Variants in PTBP2 observed in about 807,000 individuals in gnomAD.
The protein encoded by PTBP2 is polypyrimidine tract binding protein 2, also known as polypyrimidine tract-binding protein 2.
In PTBP2, 13 loss-of-function variants were observed where a neutral mutation model predicts 61.4. That is an observed-to-expected ratio of 0.21 (90% confidence interval 0.14 to 0.34). The LOEUF is 0.34. PTBP2 is among the 10% of genes least tolerant of loss of function. PTBP2 has a pLI of 1.00. For synonymous variants in PTBP2, 215 were observed against 218.5 expected (o/e 0.98, Z 0.14); for missense variants, 405 against 642.6 (o/e 0.63, Z 4.00).
chr1:96,773,673 C>T (rs562976569), intron 5 of PTBP2, among the ~76,000 whole-genome samples: 1 of 152,182 alleles, frequency 6.6e-6, no homozygotes, highest in African/African-American at 2.4e-5. Flanking sequence ...CAACAAAACT[C>T]CCTTTAGAAT....
At chr1:96,742,841 C>A (rs1192697832) in intron 2 of PTBP2, among the ~76,000 whole-genome samples, 3 of 152,128 alleles carry the variant, frequency 2.0e-5, no homozygotes, top group African/African-American at 7.2e-5. Context: ...GTGTGTCTCT[C>A]TATTAAATGT....
intron 8 of PTBP2, among the ~76,000 whole-genome samples, chr1:96,792,425 A>G (rs940720092): frequency 1.3e-5 from 2 of 152,188 alleles, no homozygotes; most frequent in African/African-American, 4.8e-5. Context: ...GAGCCCTAGC[A>G]CTGAAAGCCA....
At chr1:96,788,532 A>G (rs1265409280) in intron 8 of PTBP2, among the ~76,000 whole-genome samples, 9 of 152,076 alleles carry the variant, frequency 5.9e-5, no homozygotes. Flanking sequence ...CTAATTATTT[A>G]ATCAGATGAC....
At chr1:96,776,071 A>G (rs1342256533) in intron 5 of PTBP2, among the ~76,000 whole-genome samples, 5 of 151,956 alleles carry the variant, frequency 3.3e-5, no homozygotes, top group African/African-American at 9.7e-5. Flanking sequence ...GTTGCAGGGG[A>G]ATTTTTAATC....
chr1:96,819,931 A>G (rs1398076497), downstream of PTBP2: 3 of 151,908 alleles, frequency 2.0e-5, no homozygotes, highest in South Asian at 2.1e-4. Context: ...TCATATAGTC[A>G]TGATTCTTAG....
downstream of PTBP2, chr1:96,818,835 C>T (rs1214091526): frequency 6.6e-6 from 1 of 151,954 alleles, no homozygotes; most frequent in Non-Finnish European, 1.5e-5. Flanking sequence ...TAAAGATAAA[C>T]AGTTCTAGAG....
chr1:96,730,006 C>T (rs571174469), intron 2 of PTBP2, among the ~76,000 whole-genome samples: 5 of 152,228 alleles, frequency 3.3e-5, no homozygotes, highest in Non-Finnish European at 5.9e-5. Flanking sequence ...GGATTACAGG[C>T]GTGAGCCACT....
rs989047792 is a variant in PTBP2, at chr1:96,760,440, C to CTTT, written c.115+8962_115+8964dup. Among the ~76,000 whole-genome samples the CTTT allele has an allele frequency of 7.2e-3, 601 of 83,076 alleles. 14 individuals are homozygous for CTTT. The highest frequency in any genetic ancestry group is 0.018 in the African/African-American group (328 of 18,418). The allele number at this position is 83,076 out of a possible 152,430, so 54.5% of individuals were successfully genotyped here. A position where few individuals can be genotyped will look rare whatever the true frequency, so the allele number is the denominator to read the frequency against. On this transcript the variant is annotated intron_variant, in intron 3 of 13. Coordinates refer to ENST00000674951, the MANE Select transcript of PTBP2 (RefSeq NM_021190.4). ...ATAACATAGTTGGGAAAATAGTTTGCTTTTTTTTTTTTTTTTTTTTTTTTG... is the reference window on the plus strand; with the variant it reads ...ATAACATAGTTGGGAAAATAGTTTGCTTTTTTTTTTTTTTTTTTTTTTTTTTTG...
chr1:96,813,196 G>A lies in PTBP2; in HGVS notation c.1467-80G>A, dbSNP rs1011625787. The A allele has an allele frequency of 1.6e-5, 24 of 1,542,892 alleles. No homozygotes were observed. The Admixed American group carries it at 2.9e-4, about 19-fold the overall frequency. On this transcript the variant is annotated intron_variant, in intron 13 of 13. Transcript: ENST00000674951. The stretch of plus-strand genomic sequence containing the variant: ...TTCGTTTATAGAAATTTTTGATTCC[G>A]GAATGGCCAAAATTCAAGTATTTAA...
At position 96,814,381 on chromosome 1, in the gene PTBP2, C is replaced by T. The variant is rs1299499645; in HGVS notation, c.*976C>T. The T allele has an allele frequency of 3.9e-5, 6 of 152,440 alleles. No homozygotes were observed. The highest frequency in any genetic ancestry group is 3.3e-4 in the Admixed American group (5 of 15,266). 9.4% of individuals were successfully genotyped at this position (152,440 alleles called of 1,614,324 possible). A position where few individuals can be genotyped will look rare whatever the true frequency, so the allele number is the denominator to read the frequency against. On this transcript the variant is annotated 3_prime_UTR_variant, in exon 14 of 14. Coordinates refer to ENST00000674951, the MANE Select transcript of PTBP2 (RefSeq NM_021190.4). Reference sequence around the variant, plus strand: ...TTTCAAAGATAAAGAAAGTGTACTGCGAAAATATGCAGGAAGATTAATTTT... The same window carrying T: ...TTTCAAAGATAAAGAAAGTGTACTGTGAAAATATGCAGGAAGATTAATTTT...
At chr1:96,751,249 G>T in intron 2 of PTBP2, 176 bp from the exon 3 acceptor site, 1 of 683,210 alleles carries the variant, frequency 1.5e-6, no homozygotes, top group Non-Finnish European at 2.7e-6. Context: ...TTGCCTTTGT[G>T]AGAATGGGAG....
chr1:96,812,483 A>T lies in PTBP2; in HGVS notation c.1172-229A>T, dbSNP rs535530404. ...AGCAGGATTGTTGAGGAAGATAGAT[A>T]TTCATAATCTGGATTTTCATTCTAT... On this transcript the variant is annotated intron_variant, in intron 11 of 13. Coordinates refer to ENST00000674951, the MANE Select transcript of PTBP2 (RefSeq NM_021190.4). Among the ~76,000 whole-genome samples the T allele has an allele frequency of 4.6e-5, 7 of 152,280 alleles. No individual in the cohort carries two copies. The East Asian group carries it at 1.4e-3, about 29-fold the overall frequency.
intron 5 of PTBP2, among the ~76,000 whole-genome samples, chr1:96,773,698 T>C (rs1457206990): frequency 1.3e-5 from 2 of 152,062 alleles, no homozygotes; most frequent in Non-Finnish European, 1.5e-5. Flanking sequence ...GGTACCAGGC[T>C]GTGCGTGGTG....
intron 3 of PTBP2, among the ~76,000 whole-genome samples, chr1:96,764,674 T>A (rs1396824439): frequency 6.6e-6 from 1 of 152,258 alleles, no homozygotes; most frequent in East Asian, 1.9e-4. Context: ...TCATTCTTTT[T>A]GCTATAATGT....
intron 2 of PTBP2, among the ~76,000 whole-genome samples, chr1:96,745,799 G>T (rs1365829937): frequency 6.6e-6 from 1 of 152,046 alleles, no homozygotes; most frequent in Non-Finnish European, 1.5e-5. Context: ...GGGCGTGGTG[G>T]CTCAAGCTTG....
chr1:96,788,994 C>T (rs536215680), intron 8 of PTBP2, among the ~76,000 whole-genome samples: 1 of 151,952 alleles, frequency 6.6e-6, no homozygotes, highest in African/African-American at 2.4e-5. Context: ...TTTCAAAGAA[C>T]ACAGTGATCA....
chr1:96,725,742 A>G (rs1341333703), intron 2 of PTBP2, among the ~76,000 whole-genome samples: 1 of 152,122 alleles, frequency 6.6e-6, no homozygotes, highest in Non-Finnish European at 1.5e-5. Flanking sequence ...AAAACTTAAA[A>G]CATTTGTGAA....
chr1:96,790,909 T>G (rs1375734987), intron 8 of PTBP2, among the ~76,000 whole-genome samples: 1 of 152,188 alleles, frequency 6.6e-6, no homozygotes, highest in Non-Finnish European at 1.5e-5. Flanking sequence ...TTAGAAATTT[T>G]TCTCTCAGAA....
intron 7 of PTBP2, 98 bp from the exon 8 acceptor site, chr1:96,784,961 T>C: frequency 2.0e-6 from 2 of 998,848 alleles, no homozygotes; most frequent in Non-Finnish European, 1.4e-6. Flanking sequence ...AGCTTTTAAG[T>C]TCGAGTTTTT....
Sources: gnomAD v4.1 joint callset for allele counts (sites outside exome capture counted in the v4.1 genomes callset) on GRCh38, gnomAD v4.1.1 for gene constraint, MANE v1.5 for transcripts, NCBI Gene and HGNC (gene_info 2026-07-23, HGNC 2026-07-21) for gene names.